REV3L: variants seen among roughly 807,000 people sequenced by gnomAD.
REV3L encodes REV3 like, DNA directed polymerase zeta catalytic subunit.
A neutral mutation model predicts 299.4 loss-of-function variants in REV3L; 69 were observed. The observed-to-expected ratio is 0.23, with a 90% CI of 0.19 to 0.28. The LOEUF (loss-of-function observed/expected upper bound fraction) is 0.28. REV3L is among the 10% of genes least tolerant of loss of function. The pLI is 1.00. For synonymous variants in REV3L, 1,238 were observed against 1,271.4 expected, an observed-to-expected ratio of 0.97 and a Z score of 0.56; for missense variants, 3,128 against 3,693.8, an observed-to-expected ratio of 0.85 and a Z score of 3.97.
At chr6:111,418,410 T>A (rs1242236068) in intron 1 of REV3L, among the ~76,000 whole-genome samples, 1 of 152,228 alleles carries the variant, frequency 6.6e-6, no homozygotes, top group Non-Finnish European at 1.5e-5. Flanking sequence ...AATAATTTTA[T>A]ATCCACTTTT....
At chr6:111,410,627 C>T (rs1784149126) in intron 3 of REV3L, among the ~76,000 whole-genome samples, 1 of 152,168 alleles carries the variant, frequency 6.6e-6, no homozygotes, top group Admixed American at 6.5e-5. Flanking sequence ...TGTAAGAAAA[C>T]TAGTTTTCAG....
chr6:111,348,196 T>C (rs1266714392), intron 20 of REV3L, among the ~76,000 whole-genome samples: 2 of 152,118 alleles, frequency 1.3e-5, no homozygotes, highest in Non-Finnish European at 2.9e-5. Flanking sequence ...AGCTATCCCC[T>C]CCTACCTCGG....
chr6:111,428,019 A>G (rs1199380833), intron 1 of REV3L, among the ~76,000 whole-genome samples: 4 of 151,674 alleles, frequency 2.6e-5, no homozygotes, highest in Non-Finnish European at 5.9e-5. Flanking sequence ...AGCAGATTTA[A>G]GAAAAAAAAA....
intron 4 of REV3L, among the ~76,000 whole-genome samples, chr6:111,401,264 A>G (rs1220890637): frequency 6.6e-6 from 1 of 152,202 alleles, no homozygotes; most frequent in East Asian, 1.9e-4. Context: ...AAATAATACA[A>G]CCTTCACAAA....
rs561904115 is a variant in REV3L at position 111,451,065 on chromosome 6, T to G, written c.139+31685A>C. On this transcript the variant is annotated intron_variant, in intron 1 of 31. Transcript: ENST00000368802. ...TACAGGTTCACAGTTCTTCATGAAG[T>G]GTAAGTGGATGCCATGGGTCTGAGC... Among the ~76,000 whole-genome samples the G allele has an allele frequency of 1.4e-4, 21 of 152,248 alleles. 1 individual carries two copies. The South Asian group carries it at 4.3e-3, about 32-fold the overall frequency.
At chr6:111,393,084 C>A in intron 4 of REV3L, 112 bp from the exon 5 acceptor site, 1 of 645,480 alleles carries the variant, frequency 1.5e-6, no homozygotes, top group East Asian at 3.0e-5. Flanking sequence ...GTTGCCCAGG[C>A]TGGAGTACAG....
chr6:111,412,764 G>GT (rs1391054092), intron 2 of REV3L, among the ~76,000 whole-genome samples: 2 of 90,960 alleles, frequency 2.2e-5, no homozygotes, highest in East Asian at 5.5e-4. Context: ...AGTAATTTCT[G>GT]TTAAAAAAAA....
rs1244856696 is a variant in REV3L at position 111,375,498 on chromosome 6, C to G, written c.2857G>C (p.Glu953Gln). 2.5e-6 allele frequency: 4 copies of G among 1,606,894 alleles called. No homozygotes were observed. Among genetic ancestry groups the G allele is most frequent in the African/African-American group, 2.7e-5 (2 of 74,332 alleles). The change falls in exon 13 of 32, where the codon GAA becomes CAA. Residue 953 changes from glutamate to glutamine, a missense_variant. Physicochemically the swap from Glu to Gln is conservative, Grantham distance 29 (BLOSUM62 2). Around this residue, in one of 9 missense-constraint regions of REV3L, gnomAD observed 2,409 missense variants for 2,611.8 expected, o/e 0.92. Transcript: ENST00000368802. ...GATTTGAGAGTTCCATCTAAACTTT[C>G]ACCAATTTCCATGGGATGAGGTAGA... ...ISLPHPMEIGESLDGTLKSRK... is the reference protein window; with the variant it reads ...ISLPHPMEIGQSLDGTLKSRK...
intron 4 of REV3L, among the ~76,000 whole-genome samples, chr6:111,399,178 A>C (rs1782831967): frequency 6.6e-6 from 1 of 152,232 alleles, no homozygotes; most frequent in African/African-American, 2.4e-5. Context: ...TATAATATCT[A>C]ATGTATATAC....
intron 1 of REV3L, among the ~76,000 whole-genome samples, chr6:111,461,042 TTATG>T (rs1346255981): frequency 2.0e-5 from 3 of 152,162 alleles, no homozygotes; most frequent in Non-Finnish European, 2.9e-5. Context: ...AGTTACTAGC[TTATG>T]TATTTATTAT....
chr6:111,415,663 C>T (rs1194181250), intron 2 of REV3L, among the ~76,000 whole-genome samples: 1 of 152,054 alleles, frequency 6.6e-6, no homozygotes, highest in Non-Finnish European at 1.5e-5. Flanking sequence ...TTTACTCTTC[C>T]ACTCTAGTCA....
intron 31 of REV3L, among the ~76,000 whole-genome samples, chr6:111,302,158 T>C (rs1190315022): frequency 6.6e-6 from 1 of 152,218 alleles, no homozygotes; most frequent in Non-Finnish European, 1.5e-5. Flanking sequence ...AATATTATGA[T>C]ATTGTCACAA....
intron 5 of REV3L, among the ~76,000 whole-genome samples, chr6:111,390,880 ACAC>A (rs1347185750): frequency 6.6e-6 from 1 of 152,094 alleles, no homozygotes; most frequent in Non-Finnish European, 1.5e-5. Flanking sequence ...GATAAAGAAG[ACAC>A]CACATAATTG....
At chr6:111,385,386 C>T (rs1330053876) in intron 9 of REV3L, among the ~76,000 whole-genome samples, 1 of 151,670 alleles carries the variant, frequency 6.6e-6, no homozygotes. Flanking sequence ...CTACTATGTA[C>T]CCACAAAAAT....
chr6:111,420,251 A>G (rs1785182153), intron 1 of REV3L, among the ~76,000 whole-genome samples: 1 of 152,250 alleles, frequency 6.6e-6, no homozygotes, highest in African/African-American at 2.4e-5. Flanking sequence ...GTAAACTGAT[A>G]CATAAAAATT....
chr6:111,351,364 A>T (rs188443295), intron 19 of REV3L, among the ~76,000 whole-genome samples: 1 of 152,298 alleles, frequency 6.6e-6, no homozygotes. Flanking sequence ...GTGGTAAGAC[A>T]CTAGATGAAG....
chr6:111,323,619 C>T (rs1392840438), intron 25 of REV3L, among the ~76,000 whole-genome samples: 1 of 151,948 alleles, frequency 6.6e-6, no homozygotes, highest in East Asian at 1.9e-4. Context: ...GATGCTGGGC[C>T]TTGACAAATA....
chr6:111,370,192 C>T (rs1284797843), intron 13 of REV3L, among the ~76,000 whole-genome samples: 1 of 152,066 alleles, frequency 6.6e-6, no homozygotes, highest in African/African-American at 2.4e-5. Flanking sequence ...AGCTGCAGGA[C>T]AAGTGTCAAA....
chr6:111,430,660 T>C, intron 1 of REV3L: 1 of 1,519,008 alleles, frequency 6.6e-7, no homozygotes, highest in Non-Finnish European at 9.1e-7. Flanking sequence ...GAGAGGACTC[T>C]GGAGATGCCA....
Sources: allele counts gnomAD v4.1 joint callset (sites outside exome capture counted in the v4.1 genomes callset), GRCh38; gene constraint gnomAD v4.1.1; regional missense constraint gnomAD v4.1.1; transcripts MANE v1.5; gene names NCBI Gene and HGNC (gene_info 2026-07-23, HGNC 2026-07-21).